Variants in TNFSF11 observed in about 807,000 individuals in gnomAD.
TNFSF11 encodes the protein TNF superfamily member 11.
TNFSF11 carries 12 observed loss-of-function variants against 32.2 expected under a neutral mutation model. The observed-to-expected ratio is 0.37, with a 90% CI of 0.24 to 0.60. The LOEUF is 0.60. Among genes scored for constraint, TNFSF11 ranks in the 20% least tolerant of loss-of-function variants. The probability of loss-of-function intolerance (pLI) is 0.66; values close to 1 mark genes in which losing one functional copy is unlikely to be tolerated. For synonymous variants in TNFSF11, 172 were observed against 152.1 expected (o/e 1.13, Z -0.96); for missense variants, 345 against 398.0 (o/e 0.87, Z 1.13).
At position 42,606,572 on chromosome 13, in the gene TNFSF11, A is replaced by G. The variant is rs140455530; in HGVS notation, c.608A>G (p.Asn203Ser). The G allele has an allele frequency of 8.7e-6, 14 of 1,614,106 alleles. No homozygotes were observed. Among genetic ancestry groups the G allele is most frequent in the Non-Finnish European group, 1.2e-5 (14 of 1,180,046 alleles). The change falls in exon 5 of 5, where the codon AAT becomes AGT. Residue 203 changes from asparagine (N) to serine (S), a missense_variant. Transcript: ENST00000398795. Reference protein sequence around the residue: ...WAKISNMTFSNGKLIVNQDGF... With the variant: ...WAKISNMTFSSGKLIVNQDGF... Reference sequence around the variant, plus strand: ...AAGATCTCCAACATGACTTTTAGCAATGGAAAACTAATAGTTAATCAGGAT... The same window carrying G: ...AAGATCTCCAACATGACTTTTAGCAGTGGAAAACTAATAGTTAATCAGGAT...
At chr13:42,574,553 C>T (rs1566374012) in intron 1 of TNFSF11, 31 bp downstream of exon 1, 8 of 1,595,872 alleles carry the variant, frequency 5.0e-6, no homozygotes, top group Non-Finnish European at 6.8e-6. Flanking sequence ...GGGATCGCGG[C>T]TGAGAGCGCC....
intron 2 of TNFSF11, among the ~76,000 whole-genome samples, chr13:42,599,373 T>C (rs1869029561): frequency 7.0e-6 from 1 of 142,238 alleles, no homozygotes; most frequent in Admixed American, 6.9e-5. Flanking sequence ...TCTATCTATC[T>C]ATCTATCTAT....
At chr13:42,583,771 T>C (rs1873750620) in intron 2 of TNFSF11, among the ~76,000 whole-genome samples, 1 of 152,150 alleles carries the variant, frequency 6.6e-6, no homozygotes, top group South Asian at 2.1e-4. Context: ...ATGACCAAGA[T>C]GCCCACTGTC....
At chr13:42,601,909 A>G (rs746530157) in intron 4 of TNFSF11, among the ~76,000 whole-genome samples, 1 of 152,188 alleles carries the variant, frequency 6.6e-6, no homozygotes, top group Non-Finnish European at 1.5e-5. Flanking sequence ...ATAGGTTGTC[A>G]TTTGTTCCCA....
intron 2 of TNFSF11, among the ~76,000 whole-genome samples, chr13:42,587,762 T>C (rs186983660): frequency 6.6e-6 from 1 of 152,392 alleles, no homozygotes; most frequent in East Asian, 1.9e-4. Context: ...TTGTGTTTTC[T>C]ACATATGGGA....
chr13:42,583,574 T>G (rs975398394), intron 2 of TNFSF11, among the ~76,000 whole-genome samples: 5 of 152,066 alleles, frequency 3.3e-5, no homozygotes, highest in Non-Finnish European at 7.4e-5. Context: ...GACAAAATTT[T>G]GCACTATTTC....
intron 2 of TNFSF11, among the ~76,000 whole-genome samples, chr13:42,597,105 A>C (rs1312623505): frequency 6.6e-6 from 1 of 152,222 alleles, no homozygotes; most frequent in Non-Finnish European, 1.5e-5. Context: ...CATAAATAAC[A>C]ATGGTTTTAG....
At chr13:42,579,941 A>G (rs923496431) in intron 1 of TNFSF11, among the ~76,000 whole-genome samples, 10 of 151,856 alleles carry the variant, frequency 6.6e-5, no homozygotes, top group African/African-American at 1.9e-4. Flanking sequence ...AAAGGCTGTC[A>G]TTTCATTTTG....
intron 4 of TNFSF11, among the ~76,000 whole-genome samples, chr13:42,603,539 G>A (rs1468384666): frequency 1.3e-5 from 2 of 152,090 alleles, no homozygotes; most frequent in Non-Finnish European, 2.9e-5. Flanking sequence ...TCCCCCATAC[G>A]TGCCATGCAT....
chr13:42,563,108 C>G (rs1428803423), intron 1 of TNFSF11: 1 of 152,138 alleles, frequency 6.6e-6, no homozygotes, highest in Non-Finnish European at 1.5e-5. Context: ...GAACATTTTA[C>G]CAAGCTCAGA....
chr13:42,591,102 G>A (rs1257327339), intron 2 of TNFSF11, among the ~76,000 whole-genome samples: 2 of 152,192 alleles, frequency 1.3e-5, no homozygotes, highest in Non-Finnish European at 2.9e-5. Flanking sequence ...GGCATGGGAT[G>A]GTGGCCGCTG....
At chr13:42,572,999 T>C (rs1040825064), upstream of TNFSF11, among the ~76,000 whole-genome samples, 3 of 152,194 alleles carry the variant, frequency 2.0e-5, no homozygotes, top group African/African-American at 7.2e-5. Context: ...CATGGCATAG[T>C]ATTTGCATTT....
At chr13:42,572,002 TTATC>T (rs1873086332), upstream of TNFSF11, among the ~76,000 whole-genome samples, 1 of 152,170 alleles carries the variant, frequency 6.6e-6, no homozygotes, top group Non-Finnish European at 1.5e-5. Flanking sequence ...CATATGGAGT[TTATC>T]TATTAGTTGG....
intron 4 of TNFSF11, among the ~76,000 whole-genome samples, chr13:42,601,277 C>T (rs1195486119): frequency 1.3e-5 from 2 of 152,204 alleles, no homozygotes; most frequent in Non-Finnish European, 2.9e-5. Flanking sequence ...TTGTTATGCT[C>T]ATCTGTACTT....
At chr13:42,592,473 G>A (rs759608018) in intron 2 of TNFSF11, among the ~76,000 whole-genome samples, 2 of 152,204 alleles carry the variant, frequency 1.3e-5, no homozygotes, top group Non-Finnish European at 2.9e-5. Flanking sequence ...GGAGAGGGTC[G>A]TGGAGCCTCC....
At chr13:42,597,450 A>G (rs145992722) in intron 2 of TNFSF11, among the ~76,000 whole-genome samples, 6 of 151,454 alleles carry the variant, frequency 4.0e-5, no homozygotes, top group African/African-American at 1.5e-4. Context: ...TCTGACCTAG[A>G]AGTTTCTGAT....
chr13:42,603,071 TTA>T (rs1403878583), intron 4 of TNFSF11, among the ~76,000 whole-genome samples: 3 of 152,176 alleles, frequency 2.0e-5, no homozygotes, highest in Non-Finnish European at 4.4e-5. Flanking sequence ...TTGAGTCCAT[TTA>T]TTACCCAGTT....
chr13:42,574,383 A>T lies in TNFSF11; in HGVS notation c.80A>T (p.Glu27Val). 3 of 1,546,988 alleles carry T rather than the reference A, an allele frequency of 1.9e-6. No individual in the cohort carries two copies. The highest frequency in any genetic ancestry group is 2.4e-5 in the South Asian group (2 of 84,058). ...EMGGGPGAPH[E>V]GPLHAPPPPA... Reference sequence around the variant, plus strand: ...GGCGGCGGCCCCGGAGCCCCGCACGAGGGCCCCCTGCACGCCCCGCCGCCG... The same window carrying T: ...GGCGGCGGCCCCGGAGCCCCGCACGTGGGCCCCCTGCACGCCCCGCCGCCG... The change falls in exon 1 of 5, where the codon GAG (glutamate) becomes GTG (valine). Residue 27 changes from glutamate (E) to valine (V), a missense_variant. Physicochemically the swap from Glu to Val is moderately radical, Grantham distance 121 (BLOSUM62 -2). Transcript: ENST00000398795.
intron 2 of TNFSF11, among the ~76,000 whole-genome samples, chr13:42,597,155 ACTTT>A (rs1174844336): frequency 1.8e-3 from 179 of 100,742 alleles, no homozygotes; most frequent in Non-Finnish European, 1.0e-3. Context: ...TATTGGGAAT[ACTTT>A]CTTTGTACCT....
Sources: allele counts gnomAD v4.1 joint callset (sites outside exome capture counted in the v4.1 genomes callset), GRCh38; gene constraint gnomAD v4.1.1; transcripts MANE v1.5; gene names NCBI Gene and HGNC (gene_info 2026-07-23, HGNC 2026-07-21).